Variants in DGKI observed in about 807,000 individuals in gnomAD.
The protein encoded by DGKI is diacylglycerol kinase iota, also known as DAG kinase iota.
A neutral mutation model predicts 147.5 loss-of-function variants in DGKI; 55 were observed. The observed-to-expected ratio is 0.37, with a 90% confidence interval of 0.30 to 0.47. The LOEUF (loss-of-function observed/expected upper bound fraction) is 0.47. Ranked by LOEUF, DGKI falls within the 20% of genes least tolerant of loss-of-function variation. The pLI is 1.00. For synonymous variants in DGKI, 469 were observed against 477.1 expected (o/e 0.98, Z 0.22); for missense variants, 1,007 against 1,323.8 (o/e 0.76, Z 3.71).
At chr7:137,606,057 G>T (rs574946156) in intron 10 of DGKI, among the ~76,000 whole-genome samples, 6 of 152,030 alleles carry the variant, frequency 3.9e-5, no homozygotes, top group Non-Finnish European at 7.4e-5. Flanking sequence ...TATCAAAATA[G>T]CATATGTACT....
chr7:137,750,039 C>T (rs1057196357), intron 1 of DGKI, among the ~76,000 whole-genome samples: 3 of 152,144 alleles, frequency 2.0e-5, no homozygotes, highest in Admixed American at 6.5e-5. Context: ...CACAGGGACA[C>T]ACAACTGGCA....
At chr7:137,700,877 T>TTAAA (rs1823955195) in intron 1 of DGKI, among the ~76,000 whole-genome samples, 1 of 136,916 alleles carries the variant, frequency 7.3e-6, no homozygotes, top group Non-Finnish European at 1.6e-5. Context: ...AAGCTCCGTC[T>TTAAA]CAAATAAATA....
At position 137,769,337 on chromosome 7, in the gene DGKI, G is replaced by A. The variant is rs186007282; in HGVS notation, c.401+77125C>T. 9.8e-5 allele frequency among the ~76,000 whole-genome samples: 15 copies of A among 152,328 alleles called. No individual in the cohort carries two copies. The East Asian group carries it at 2.7e-3, about 27-fold the overall frequency. ...TAAAGTGAAAGCTATCTGAGTCAAA[G>A]AAATGGGTTTCAAGTGAACTGGAAA... On this transcript the variant is annotated intron_variant, in intron 1 of 32. Transcript: ENST00000614521.
chr7:137,723,866 T>C (rs552701472), intron 1 of DGKI, among the ~76,000 whole-genome samples: 3 of 151,980 alleles, frequency 2.0e-5, no homozygotes, highest in Non-Finnish European at 4.4e-5. Flanking sequence ...CATATCACCA[T>C]ATCCAGCTAA....
intron 21 of DGKI, among the ~76,000 whole-genome samples, chr7:137,508,508 G>C (rs545524545): frequency 6.6e-6 from 1 of 152,180 alleles, no homozygotes; most frequent in East Asian, 1.9e-4. Context: ...TTACAGGCTT[G>C]AGCCACCATG....
chr7:137,737,952 C>T (rs930343730), intron 1 of DGKI, among the ~76,000 whole-genome samples: 3 of 152,058 alleles, frequency 2.0e-5, no homozygotes, highest in African/African-American at 7.2e-5. Context: ...AAGTTCTGTG[C>T]AAAGAACTGG....
intron 28 of DGKI, among the ~76,000 whole-genome samples, chr7:137,416,090 A>T (rs1302349762): frequency 6.6e-6 from 1 of 152,188 alleles, no homozygotes; most frequent in African/African-American, 2.4e-5. Flanking sequence ...AAAAAGAGAG[A>T]GAGAGAAACA....
chr7:137,797,717 T>C (rs1797076577), intron 1 of DGKI, among the ~76,000 whole-genome samples: 1 of 151,902 alleles, frequency 6.6e-6, no homozygotes, highest in African/African-American at 2.4e-5. Flanking sequence ...AAATAGATGT[T>C]TAACACAAAA....
chr7:137,424,208 T>C (rs1319895748), intron 28 of DGKI, among the ~76,000 whole-genome samples: 1 of 152,234 alleles, frequency 6.6e-6, no homozygotes, highest in Non-Finnish European at 1.5e-5. Flanking sequence ...GTTATGTAAA[T>C]GGTTACTTCT....
intron 20 of DGKI, among the ~76,000 whole-genome samples, chr7:137,550,899 T>C (rs182085946): frequency 4.5e-4 from 69 of 152,312 alleles, no homozygotes; most frequent in South Asian, 8.3e-4. Flanking sequence ...CAGCAAACCC[T>C]TGGTCCATTT....
chr7:137,404,494 G>A (rs1381619267), intron 30 of DGKI, among the ~76,000 whole-genome samples: 1 of 152,160 alleles, frequency 6.6e-6, no homozygotes, highest in Non-Finnish European at 1.5e-5. Flanking sequence ...CAAAAATGCG[G>A]TGATCCTTGG....
intron 28 of DGKI, among the ~76,000 whole-genome samples, chr7:137,436,089 T>A (rs1813271367): frequency 6.6e-6 from 1 of 152,224 alleles, no homozygotes; most frequent in Non-Finnish European, 1.5e-5. Context: ...TCTAACTTTC[T>A]TAATCTTCTT....
chr7:137,402,887 G>T (rs1562996861), intron 30 of DGKI, among the ~76,000 whole-genome samples: 1 of 152,120 alleles, frequency 6.6e-6, no homozygotes, highest in Non-Finnish European at 1.5e-5. Flanking sequence ...AAAGACTGAA[G>T]ACAGAAAAAG....
At chr7:137,804,342 C>A (rs777803751) in intron 1 of DGKI, among the ~76,000 whole-genome samples, 6 of 152,204 alleles carry the variant, frequency 3.9e-5, no homozygotes, top group South Asian at 2.1e-4. Context: ...GCACTCAGAA[C>A]ATTCTAGGCA....
At chr7:137,455,775 T>A (rs1237929539) in intron 27 of DGKI, among the ~76,000 whole-genome samples, 1 of 151,754 alleles carries the variant, frequency 6.6e-6, no homozygotes, top group Non-Finnish European at 1.5e-5. Flanking sequence ...CGCAGAGAAG[T>A]CCCATGCCCG....
chr7:137,537,968 A>T lies in DGKI; in HGVS notation c.2147+14401T>A, dbSNP rs566661234. ...AACACAAATCAAGTCTTATTTTCTA[A>T]TTGTAGGACCACAACTAAGTAAACA... On this transcript the variant is annotated intron_variant, in intron 20 of 32. Coordinates refer to ENST00000614521, the MANE Select transcript of DGKI (RefSeq NM_001321708.2). Among the ~76,000 whole-genome samples, 44 of 152,198 alleles carry T rather than the reference A, an allele frequency of 2.9e-4. 1 individual carries two copies. Among genetic ancestry groups the T allele is most frequent in the South Asian group, 4.1e-4 (2 of 4,834 alleles).
At chr7:137,393,922 C>T (rs1811455324) in intron 32 of DGKI, among the ~76,000 whole-genome samples, 1 of 152,172 alleles carries the variant, frequency 6.6e-6, no homozygotes, top group African/African-American at 2.4e-5. Flanking sequence ...AAAAATTGCA[C>T]ATAGGCAGAT....
intron 20 of DGKI, among the ~76,000 whole-genome samples, chr7:137,540,068 T>C (rs943007024): frequency 6.6e-5 from 10 of 152,202 alleles, no homozygotes; most frequent in African/African-American, 2.4e-4. Context: ...ACCTGAGTAG[T>C]CCTACAACTC....
chr7:137,701,955 G>T (rs1179179731), intron 1 of DGKI, among the ~76,000 whole-genome samples: 1 of 152,054 alleles, frequency 6.6e-6, no homozygotes, highest in Non-Finnish European at 1.5e-5. Flanking sequence ...TGCTATTAAA[G>T]AAAGAATTGA....
Sources: gnomAD v4.1 joint callset for allele counts (sites outside exome capture counted in the v4.1 genomes callset) on GRCh38, gnomAD v4.1.1 for gene constraint, MANE v1.5 for transcripts, NCBI Gene and HGNC (gene_info 2026-07-23, HGNC 2026-07-21) for gene names.